The following XIAP variants were observed in gnomAD, a reference collection of about 807,000 sequenced individuals.
XIAP encodes E3 ubiquitin-protein ligase XIAP.
In XIAP, 3 loss-of-function variants were observed where a neutral mutation model predicts 33.1. The observed-to-expected ratio is 0.09, with a 90% CI of 0.04 to 0.23. The LOEUF (loss-of-function observed/expected upper bound fraction) is 0.23. Among genes scored for constraint, XIAP ranks in the 10% least tolerant of loss-of-function variants. The pLI is 1.00. For missense variants in XIAP, 264 were observed against 363.0 expected (o/e 0.73, Z 2.22); for synonymous variants, 98 against 121.3 (o/e 0.81, Z 1.26).
chrX:123,888,004 T>TAATA (rs911261667), intron 2 of XIAP, among the ~76,000 whole-genome samples: 926 of 66,512 alleles, frequency 0.014, 11 homozygotes, highest in South Asian at 0.08. Flanking sequence ...TAATAATAAT[T>TAATA]AATAAATAAA....
chrX:123,865,942 C>CT (rs2053130970), intron 1 of XIAP, among the ~76,000 whole-genome samples: 1 of 102,194 alleles, frequency 9.8e-6, no homozygotes, highest in East Asian at 3.1e-4. Context: ...TTTGGTATCT[C>CT]TTTTTTTCCC....
At chrX:123,876,441 C>T (rs1301476954) in intron 1 of XIAP, among the ~76,000 whole-genome samples, 1 of 111,323 alleles carries the variant, frequency 9.0e-6, no homozygotes, top group Non-Finnish European at 1.9e-5. Flanking sequence ...CAGTGGTTCA[C>T]GCCTATAATC....
chrX:123,870,306 A>G (rs182581142), intron 1 of XIAP, among the ~76,000 whole-genome samples: 58 of 110,996 alleles, frequency 5.2e-4, no homozygotes, highest in Admixed American at 1.9e-4. Context: ...TTAGTAGAGA[A>G]GTACTTACTT....
At chrX:123,867,326 T>G (rs1156484324) in intron 1 of XIAP, among the ~76,000 whole-genome samples, 1 of 109,047 alleles carries the variant, frequency 9.2e-6, no homozygotes, top group Non-Finnish European at 1.9e-5. Context: ...CCCAAAGTGC[T>G]GGGATTACAA....
At chrX:123,905,936 C>T (rs1297962882) in intron 6 of XIAP, among the ~76,000 whole-genome samples, 2 of 112,374 alleles carry the variant, frequency 1.8e-5, no homozygotes, top group South Asian at 3.6e-4. Flanking sequence ...CCCAGAAATC[C>T]GTGGTTTAAA....
At chrX:123,894,199 G>A (rs1384658334) in intron 5 of XIAP, among the ~76,000 whole-genome samples, 1 of 112,147 alleles carries the variant, frequency 8.9e-6, no homozygotes, top group East Asian at 2.8e-4. Context: ...CTCAAAAAGT[G>A]GGCAGAGAAA....
intron 1 of XIAP, 108 bp downstream of exon 1, chrX:123,860,401 G>T (rs991018044): frequency 1.0e-5 from 3 of 298,930 alleles, no homozygotes; most frequent in Non-Finnish European, 2.0e-5. Flanking sequence ...CGCTGCTGGG[G>T]AGGGCGGGAA....
chrX:123,888,099 C>T (rs1458780339), intron 2 of XIAP, among the ~76,000 whole-genome samples: 1 of 109,521 alleles, frequency 9.1e-6, no homozygotes, highest in Non-Finnish European at 1.9e-5. Flanking sequence ...TTTGGAAGGC[C>T]GAGGCGGGTG....
At chrX:123,891,522 T>TTAAA (rs1260962777) in intron 4 of XIAP, among the ~76,000 whole-genome samples, 15 of 111,464 alleles carry the variant, frequency 1.3e-4, no homozygotes, top group Non-Finnish European at 2.6e-4. Context: ...ATGATGGGCT[T>TTAAA]TAAAGATGAG....
chrX:123,892,334 T>C (rs2053415926), intron 4 of XIAP, among the ~76,000 whole-genome samples: 1 of 110,634 alleles, frequency 9.0e-6, no homozygotes, highest in Non-Finnish European at 1.9e-5. Flanking sequence ...GCCACTACAC[T>C]CCAGCCTGGG....
rs376063379 is a variant in XIAP at position 123,898,902 on chromosome X, C to T, written c.1100-1591C>T. 7.4e-4 allele frequency among the ~76,000 whole-genome samples: 77 copies of T among 104,095 alleles called. No homozygotes were observed. In the East Asian group the frequency reaches 0.017, roughly 23 times the overall value. 90.4% of individuals were successfully genotyped at this position (104,095 alleles called of 115,157 possible). The stretch of plus-strand genomic sequence containing the variant: ...TTGGGAAGTTGAGGCAGGTGGATCA[C>T]GAGGTCAGGAGTTCGAGAGCAGCCT... On this transcript the variant is annotated intron_variant, in intron 5 of 6. Transcript: ENST00000371199.
At chrX:123,886,950 G>A (rs1342207305) in intron 2 of XIAP, among the ~76,000 whole-genome samples, 8 of 111,433 alleles carry the variant, frequency 7.2e-5, no homozygotes, top group African/African-American at 2.6e-4. Context: ...ACAGAGTTTC[G>A]CTCTTGTTAT....
At chrX:123,879,204 A>T (rs905226562) in intron 1 of XIAP, 1 of 110,531 alleles carries the variant, frequency 9.0e-6, no homozygotes, top group Non-Finnish European at 1.9e-5. Flanking sequence ...GGGGATGCTT[A>T]GTTCCTGGGA....
At chrX:123,877,730 T>C (rs981161709) in intron 1 of XIAP, among the ~76,000 whole-genome samples, 3 of 110,967 alleles carry the variant, frequency 2.7e-5, no homozygotes, top group African/African-American at 6.6e-5. Context: ...TGCCAACACT[T>C]TGGGAGGCTG....
At chrX:123,881,221 G>A (rs773759188) in intron 1 of XIAP, among the ~76,000 whole-genome samples, 1 of 110,672 alleles carries the variant, frequency 9.0e-6, no homozygotes, top group South Asian at 3.8e-4. Context: ...ATACTTTATT[G>A]CACCCACACC....
At chrX:123,898,496 G>A (rs758035481) in intron 5 of XIAP, among the ~76,000 whole-genome samples, 8 of 110,239 alleles carry the variant, frequency 7.3e-5, no homozygotes, top group African/African-American at 2.3e-4. Flanking sequence ...CTGAGTAGCC[G>A]GGACTACAGG....
In XIAP at chrX:123,899,144, A is replaced by AAAAAAATATAT. The variant is rs1186271285; in HGVS notation, c.1100-1348_1100-1347insAAAAATATATA. On this transcript the variant is annotated intron_variant, in intron 5 of 6. Transcript: ENST00000371199. ...CAAAAAAAAAAAAAAAAAAAAAAAAAATATATATATATATATATATATGAT... is the reference window on the plus strand; with the variant it reads ...CAAAAAAAAAAAAAAAAAAAAAAAAAAAAAAATATATATATATATATATATATATATATGAT... Among the ~76,000 whole-genome samples the AAAAAAATATAT allele has an allele frequency of 4.8e-4, 24 of 50,163 alleles. 3 individuals are homozygous for AAAAAAATATAT. The highest frequency in any genetic ancestry group is 7.6e-4 in the African/African-American group (9 of 11,845). 43.6% of individuals were successfully genotyped at this position (50,163 alleles called of 115,157 possible). A position where few individuals can be genotyped will look rare whatever the true frequency, so the allele number is the denominator to read the frequency against.
rs1254059584 is a variant in XIAP, at chrX:123,860,181, G to T, written c.-145G>T. The T allele has an allele frequency of 3.0e-6, 1 of 329,977 alleles. No individual in the cohort carries two copies. Among genetic ancestry groups the T allele is most frequent in the Admixed American group, 3.1e-5 (1 of 32,403 alleles). The allele number at this position is 329,977 out of a possible 1,213,427, so 27.2% of individuals were successfully genotyped here. A position where few individuals can be genotyped will look rare whatever the true frequency, so the allele number is the denominator to read the frequency against. On this transcript the variant is annotated 5_prime_UTR_variant, in exon 1 of 7. Coordinates refer to ENST00000371199, the MANE Select transcript of XIAP (RefSeq NM_001167.4). ...CCTTCACCTAGGCTGGGGCCAAGCC[G>T]CAGAGCGGAGTTGGCATTTCCAGAT...
At position 123,881,329 on chromosome X, in the gene XIAP, TGTG is replaced by T. The variant is rs1304618821; in HGVS notation, c.-32-4299_-32-4297del. Among the ~76,000 whole-genome samples, 20 of 111,593 alleles carry T rather than the reference TGTG, an allele frequency of 1.8e-4. No individual in the cohort carries two copies. The Admixed American group carries it at 1.9e-3, about 11-fold the overall frequency. On this transcript the variant is annotated intron_variant, in intron 1 of 6. Coordinates refer to ENST00000371199, the MANE Select transcript of XIAP (RefSeq NM_001167.4). Reference sequence around the variant, plus strand: ...ATCTGCTCCATATATACTTGTTTTCTGTGGTATCATTTTCCCCACCTCCATTTC... The same window carrying T: ...ATCTGCTCCATATATACTTGTTTTCTGTATCATTTTCCCCACCTCCATTTC...
Sources: allele counts gnomAD v4.1 joint callset (sites outside exome capture counted in the v4.1 genomes callset), GRCh38; gene constraint gnomAD v4.1.1; transcripts MANE v1.5; gene names NCBI Gene and HGNC (gene_info 2026-07-23, HGNC 2026-07-21).